The following FRS2 variants were observed in gnomAD, a reference collection of about 807,000 sequenced individuals.
FRS2 encodes fibroblast growth factor receptor substrate 2, also known as FGFR signalling adaptor.
A neutral mutation model predicts 43.9 loss-of-function variants in FRS2; 8 were observed. The ratio of observed to expected loss-of-function variants is 0.18; its 90% confidence interval spans 0.11 to 0.33. The LOEUF (loss-of-function observed/expected upper bound fraction) is 0.33, where lower values mean the gene tolerates loss of function less well. FRS2 is among the 10% of genes least tolerant of loss of function. FRS2 has a pLI of 1.00. For synonymous variants in FRS2, 219 were observed against 220.3 expected (o/e 0.99, Z 0.05); for missense variants, 534 against 627.6 (o/e 0.85, Z 1.59).
intron 3 of FRS2, among the ~76,000 whole-genome samples, chr12:69,551,003 A>G (rs1437080590): frequency 6.6e-6 from 1 of 152,204 alleles, no homozygotes; most frequent in African/African-American, 2.4e-5. Context: ...TAGAAATTTC[A>G]GCTGTTTTTT....
At chr12:69,485,011 TG>T (rs1256515204) in intron 1 of FRS2, among the ~76,000 whole-genome samples, 1 of 149,676 alleles carries the variant, frequency 6.7e-6, no homozygotes, top group Non-Finnish European at 1.5e-5. Context: ...CTTGAGAGGC[TG>T]AGGTGGAAGG....
chr12:69,486,254 T>C (rs1204914362), intron 1 of FRS2: 1 of 152,178 alleles, frequency 6.6e-6, no homozygotes, highest in Non-Finnish European at 1.5e-5. Context: ...GTGCCATTTT[T>C]CCAGCCAGCG....
At chr12:69,493,163 A>G (rs1183244039) in intron 1 of FRS2, among the ~76,000 whole-genome samples, 2 of 152,200 alleles carry the variant, frequency 1.3e-5, no homozygotes, top group African/African-American at 4.8e-5. Context: ...CTATTTTTCT[A>G]AAATTGTTGG....
chr12:69,546,506 C>T (rs1429252204), intron 3 of FRS2, among the ~76,000 whole-genome samples: 1 of 152,152 alleles, frequency 6.6e-6, no homozygotes, highest in East Asian at 1.9e-4. Context: ...GATCTGCTCA[C>T]CTTGGCCTCC....
chr12:69,519,414 A>AT (rs1321799211), intron 1 of FRS2, among the ~76,000 whole-genome samples: 1 of 152,134 alleles, frequency 6.6e-6, no homozygotes, highest in Non-Finnish European at 1.5e-5. Context: ...TGGAAGTTTC[A>AT]TTTTTTTAAG....
chr12:69,574,704 C>A lies in FRS2; in HGVS notation c.1276C>A (p.Arg426Ser). The change falls in exon 9 of 9, where the codon CGC becomes AGC. Residue 426 changes from arginine to serine, a missense_variant. Arg to Ser is a moderately radical substitution (Grantham distance 110). This residue lies in a region of FRS2 where 446 missense variants were observed against 494.2 expected (regional missense o/e 0.90). Transcript: ENST00000549921. ...AACAGTCTTTAACTTTGATATCAGA[C>A]GCCCAAGTTTAGAACACAGGCAGCT... ...TPTVFNFDIR[R>S]PSLEHRQLNY... 3.7e-6 allele frequency: 6 copies of A among 1,614,044 alleles called. No homozygotes were observed. The highest frequency in any genetic ancestry group is 5.1e-6 in the Non-Finnish European group (6 of 1,179,920).
chr12:69,523,149 C>G (rs1875860699), intron 1 of FRS2, among the ~76,000 whole-genome samples: 1 of 152,174 alleles, frequency 6.6e-6, no homozygotes, highest in Non-Finnish European at 1.5e-5. Flanking sequence ...TATTCCTCCT[C>G]TAAGGTCTGT....
chr12:69,564,763 T>C (rs1323843920), intron 4 of FRS2, among the ~76,000 whole-genome samples: 1 of 152,238 alleles, frequency 6.6e-6, no homozygotes, highest in Non-Finnish European at 1.5e-5. Context: ...AAATTTATCA[T>C]ACATATGTTT....
intron 3 of FRS2, among the ~76,000 whole-genome samples, chr12:69,549,146 A>G (rs1434357231): frequency 6.6e-6 from 1 of 152,222 alleles, no homozygotes; most frequent in Non-Finnish European, 1.5e-5. Flanking sequence ...TAATGACATT[A>G]AACAGAATTA....
chr12:69,485,167 GTTTACTTA>G (rs1256533928), intron 1 of FRS2, among the ~76,000 whole-genome samples: 1 of 105,190 alleles, frequency 9.5e-6, no homozygotes, highest in Non-Finnish European at 1.7e-5. Context: ...TAAAACAGAA[GTTTACTTA>G]TTTATTTATT....
chr12:69,490,806 G>A (rs547911853), intron 1 of FRS2, among the ~76,000 whole-genome samples: 1 of 152,280 alleles, frequency 6.6e-6, no homozygotes, highest in South Asian at 2.1e-4. Flanking sequence ...TCTACCTATG[G>A]TTATTGGTAA....
At position 69,526,868 on chromosome 12, in the gene FRS2, C is replaced by T. The variant is rs576052875; in HGVS notation, c.-260-3997C>T. On this transcript the variant is annotated intron_variant, in intron 1 of 8. Transcript: ENST00000549921. ...CCTCCTGAGTAGATGGGACTACAGG[C>T]GCGTGCCACCACGCCTGGCTAATTT... is the stretch of plus-strand genomic sequence containing the variant. Among the ~76,000 whole-genome samples, 12 of 152,090 alleles carry T rather than the reference C, an allele frequency of 7.9e-5. No individual in the cohort carries two copies. The South Asian group carries it at 1.7e-3, about 21-fold the overall frequency.
At position 69,576,808 on chromosome 12, in the gene FRS2, C is replaced by T. The variant is rs918729825; in HGVS notation, c.*1853C>T. ...AGAATTTTCTTTTCTCCCTTTTGTTCCCCTGTGAACTTGGTGCTTATTAAA... is the reference window on the plus strand; with the variant it reads ...AGAATTTTCTTTTCTCCCTTTTGTTTCCCTGTGAACTTGGTGCTTATTAAA... On this transcript the variant is annotated 3_prime_UTR_variant, in exon 9 of 9. Transcript: ENST00000549921. 1 of 152,496 alleles carries T rather than the reference C, an allele frequency of 6.6e-6. No homozygotes were observed. Among genetic ancestry groups the T allele is most frequent in the African/African-American group, 2.4e-5 (1 of 41,394 alleles). The allele number at this position is 152,496 out of a possible 1,614,324, so 9.4% of individuals were successfully genotyped here. A position where few individuals can be genotyped will look rare whatever the true frequency, so the allele number is the denominator to read the frequency against.
chr12:69,526,826 T>C (rs509393), intron 1 of FRS2, among the ~76,000 whole-genome samples: 14,239 of 151,756 alleles, frequency 0.094, 876 homozygotes, highest in Non-Finnish European at 0.14. Flanking sequence ...CAGGTTCAAG[T>C]GATTCTCCTG....
chr12:69,542,120 CG>C (rs1437786757), intron 3 of FRS2, among the ~76,000 whole-genome samples: 1 of 151,862 alleles, frequency 6.6e-6, no homozygotes, highest in Non-Finnish European at 1.5e-5. Flanking sequence ...ATATAGGTGG[CG>C]GGGGGTTATG....
chr12:69,528,189 A>G (rs1276618058), intron 1 of FRS2, among the ~76,000 whole-genome samples: 4 of 152,222 alleles, frequency 2.6e-5, no homozygotes, highest in African/African-American at 9.6e-5. Flanking sequence ...AGAATGTTTA[A>G]AAGGCAGAGG....
At chr12:69,544,881 A>G (rs1484274093) in intron 3 of FRS2, among the ~76,000 whole-genome samples, 2 of 152,168 alleles carry the variant, frequency 1.3e-5, no homozygotes, top group Non-Finnish European at 2.9e-5. Context: ...TAAATATCAT[A>G]CTGGATATTC....
chr12:69,544,979 T>C (rs1651212448), intron 3 of FRS2, among the ~76,000 whole-genome samples: 3 of 152,104 alleles, frequency 2.0e-5, no homozygotes, highest in Admixed American at 2.0e-4. Flanking sequence ...TATGATCCTG[T>C]ACATAGAAAA....
intron 1 of FRS2, among the ~76,000 whole-genome samples, chr12:69,502,726 G>A (rs74101170): frequency 0.01 from 1,534 of 152,332 alleles, 25 homozygotes; most frequent in African/African-American, 0.035. Flanking sequence ...TTATAAATAT[G>A]AGGGAAATGA....
Sources: allele counts gnomAD v4.1 joint callset (sites outside exome capture counted in the v4.1 genomes callset), GRCh38; gene constraint gnomAD v4.1.1; regional missense constraint gnomAD v4.1.1; transcripts MANE v1.5; gene names NCBI Gene and HGNC (gene_info 2026-07-23, HGNC 2026-07-21).